The following SLC2A12 variants were observed in gnomAD, a reference collection of about 807,000 sequenced individuals.
SLC2A12 encodes the protein solute carrier family 2, facilitated glucose transporter member 12.
In SLC2A12, 23 loss-of-function variants were observed where a neutral mutation model predicts 41.8. That is an observed-to-expected ratio of 0.55 (90% CI 0.40 to 0.78). The LOEUF (loss-of-function observed/expected upper bound fraction) is 0.78. Ranked by LOEUF, SLC2A12 falls within the 30% of genes least tolerant of loss-of-function variation. The probability of loss-of-function intolerance (pLI) is 0.00; values close to 1 mark genes in which losing one functional copy is unlikely to be tolerated. For missense variants in SLC2A12, 654 were observed against 745.6 expected, an observed-to-expected ratio of 0.88 and a Z score of 1.43; for synonymous variants, 295 against 285.9, an observed-to-expected ratio of 1.03 and a Z score of -0.32.
chr6:134,050,858 G>C (rs1232196606), intron 1 of SLC2A12, among the ~76,000 whole-genome samples: 2 of 152,048 alleles, frequency 1.3e-5, no homozygotes, highest in Non-Finnish European at 2.9e-5. Flanking sequence ...CAAGCGCTTA[G>C]GGAAAAGGGT....
chr6:134,029,789 C>G (rs1187814616), intron 1 of SLC2A12, 68 bp from the exon 2 acceptor site: 1 of 1,511,796 alleles, frequency 6.6e-7, no homozygotes, highest in East Asian at 2.3e-5. Flanking sequence ...TGTATTTGAG[C>G]GGAGATTTAA....
chr6:134,039,284 T>A (rs1488871328), intron 1 of SLC2A12, among the ~76,000 whole-genome samples: 2 of 152,194 alleles, frequency 1.3e-5, no homozygotes, highest in Admixed American at 1.3e-4. Context: ...GCTGTTGCAG[T>A]TTCATTCCCT....
intron 1 of SLC2A12, among the ~76,000 whole-genome samples, 170 bp from the exon 2 acceptor site, chr6:134,029,891 G>A (rs1375783240): frequency 2.0e-5 from 3 of 152,260 alleles, no homozygotes; most frequent in East Asian, 3.9e-4. Context: ...GATATAGAAG[G>A]AGAAATCATT....
Position 133,988,274 on chromosome 6 carries a change from C to G in SLC2A12, c.*2881G>C, listed in dbSNP as rs1027870959. On this transcript the variant is annotated 3_prime_UTR_variant, in exon 5 of 5. Transcript: ENST00000275230. Reference sequence around the variant, plus strand: ...AATATGCATTTATGAAACAGTGTCTCTGGCTCACCCAGGAGCCCTGATGTG... The same window carrying G: ...AATATGCATTTATGAAACAGTGTCTGTGGCTCACCCAGGAGCCCTGATGTG... 1 of 152,198 alleles carries G rather than the reference C, an allele frequency of 6.6e-6. No homozygotes were observed. The highest frequency in any genetic ancestry group is 2.4e-5 in the African/African-American group (1 of 41,460). The allele number at this position is 152,198 out of a possible 1,614,324, so 9.4% of individuals were successfully genotyped here. A position where few individuals can be genotyped will look rare whatever the true frequency, so the allele number is the denominator to read the frequency against.
At chr6:133,994,041 G>A (rs1010549986) in intron 4 of SLC2A12, among the ~76,000 whole-genome samples, 1 of 152,184 alleles carries the variant, frequency 6.6e-6, no homozygotes, top group Non-Finnish European at 1.5e-5. Context: ...CAGAAATGGG[G>A]ACCAGTAAGT....
chr6:134,045,448 G>T (rs2114509998), intron 1 of SLC2A12, among the ~76,000 whole-genome samples: 1 of 152,314 alleles, frequency 6.6e-6, no homozygotes, highest in Admixed American at 6.5e-5. Context: ...GGGCTTGAAG[G>T]TGAAGAACAG....
chr6:134,005,786 A>G (rs186346120), intron 3 of SLC2A12, among the ~76,000 whole-genome samples: 242 of 151,274 alleles, frequency 1.6e-3, no homozygotes, highest in African/African-American at 5.1e-3. Context: ...TCTGCCTGAC[A>G]CCTAAACATG....
chr6:134,023,161 G>T (rs907530716), intron 2 of SLC2A12, among the ~76,000 whole-genome samples: 1 of 152,192 alleles, frequency 6.6e-6, no homozygotes, highest in Non-Finnish European at 1.5e-5. Flanking sequence ...TTGCTTCGGA[G>T]AGTTGGTCAC....
intron 4 of SLC2A12, among the ~76,000 whole-genome samples, chr6:134,000,661 T>A (rs367890345): frequency 1.5e-3 from 232 of 152,324 alleles, no homozygotes; most frequent in African/African-American, 5.4e-3. Flanking sequence ...TTAGCCCCTA[T>A]GTCTCACCTC....
At chr6:134,039,458 T>C (rs140939182) in intron 1 of SLC2A12, among the ~76,000 whole-genome samples, 1 of 152,390 alleles carries the variant, frequency 6.6e-6, no homozygotes, top group Non-Finnish European at 1.5e-5. Flanking sequence ...ATAATTTATT[T>C]ATGTTTCCTA....
intron 3 of SLC2A12, among the ~76,000 whole-genome samples, chr6:134,005,182 A>G (rs1053844879): frequency 5.3e-5 from 8 of 152,234 alleles, no homozygotes; most frequent in African/African-American, 1.9e-4. Flanking sequence ...TAATATATAA[A>G]TCTAATTTGT....
At chr6:134,025,196 T>C (rs1777098068) in intron 2 of SLC2A12, among the ~76,000 whole-genome samples, 1 of 152,170 alleles carries the variant, frequency 6.6e-6, no homozygotes, top group Non-Finnish European at 1.5e-5. Context: ...AAGAATGAAC[T>C]AAAAATAATT....
At chr6:134,020,024 C>CAAAA (rs550748968) in intron 2 of SLC2A12, among the ~76,000 whole-genome samples, 1 of 80,042 alleles carries the variant, frequency 1.2e-5, no homozygotes. Flanking sequence ...GATTCCATCT[C>CAAAA]AAAAAAAAAA....
intron 2 of SLC2A12, among the ~76,000 whole-genome samples, chr6:134,016,490 C>T (rs1582607533): frequency 6.6e-6 from 1 of 151,880 alleles, no homozygotes; most frequent in South Asian, 2.1e-4. Flanking sequence ...GATATTCTGG[C>T]TATTGCTTTG....
intron 1 of SLC2A12, among the ~76,000 whole-genome samples, chr6:134,032,405 A>AAT (rs1170558623): frequency 0.01 from 1,182 of 117,888 alleles, 39 homozygotes; most frequent in African/African-American, 0.041. Flanking sequence ...TACAGGGAGA[A>AAT]ATATATATAT....
intron 2 of SLC2A12, among the ~76,000 whole-genome samples, chr6:134,023,406 A>G (rs1777071785): frequency 6.6e-6 from 1 of 152,192 alleles, no homozygotes; most frequent in African/African-American, 2.4e-5. Context: ...TGCCCTCTAG[A>G]AAGGGAATGG....
chr6:134,000,499 T>C (rs1277929376), intron 4 of SLC2A12, among the ~76,000 whole-genome samples: 1 of 152,262 alleles, frequency 6.6e-6, no homozygotes, highest in African/African-American at 2.4e-5. Flanking sequence ...TCATACATTT[T>C]TCTCTACTGT....
At chr6:134,002,921 C>T (rs1269101756) in intron 3 of SLC2A12, among the ~76,000 whole-genome samples, 2 of 152,220 alleles carry the variant, frequency 1.3e-5, no homozygotes, top group Non-Finnish European at 2.9e-5. Context: ...CAAGTCAAGG[C>T]ACATTCAGTG....
chr6:134,015,631 G>A (rs1276387139), intron 2 of SLC2A12, among the ~76,000 whole-genome samples: 2 of 152,188 alleles, frequency 1.3e-5, no homozygotes, highest in African/African-American at 2.4e-5. Flanking sequence ...GTGGTTCTGC[G>A]TGTTAGGGAC....
Sources: allele counts gnomAD v4.1 joint callset (sites outside exome capture counted in the v4.1 genomes callset), GRCh38; gene constraint gnomAD v4.1.1; transcripts MANE v1.5; gene names NCBI Gene and HGNC (gene_info 2026-07-23, HGNC 2026-07-21).